Variants in PHACTR1 observed in about 807,000 individuals in gnomAD.
PHACTR1 encodes the protein phosphatase and actin regulator 1.
In PHACTR1, 16 loss-of-function variants were observed where a neutral mutation model predicts 69.2. The observed-to-expected ratio is 0.23, with a 90% CI of 0.16 to 0.35. The LOEUF is 0.35. Ranked by LOEUF, PHACTR1 falls within the 10% of genes least tolerant of loss-of-function variation. The pLI, the probability that PHACTR1 is intolerant of heterozygous loss-of-function variation, is 1.00. For synonymous variants in PHACTR1, 312 were observed against 284.5 expected (o/e 1.10, Z -0.97); for missense variants, 510 against 734.7 (o/e 0.69, Z 3.54).
intron 10 of PHACTR1, among the ~76,000 whole-genome samples, chr6:13,244,394 G>C (rs1039962224): frequency 6.6e-6 from 1 of 152,216 alleles, no homozygotes; most frequent in East Asian, 1.9e-4. Flanking sequence ...TCAGGAGACA[G>C]GGTTTTGAGA....
chr6:13,082,308 ATAT>A (rs748170090), intron 5 of PHACTR1, among the ~76,000 whole-genome samples: 1 of 152,192 alleles, frequency 6.6e-6, no homozygotes, highest in Non-Finnish European at 1.5e-5. Flanking sequence ...CTGGCCATAA[ATAT>A]TATTATATCT....
intron 4 of PHACTR1, among the ~76,000 whole-genome samples, chr6:12,866,958 C>T (rs1437459286): frequency 6.6e-6 from 1 of 152,072 alleles, no homozygotes; most frequent in Non-Finnish European, 1.5e-5. Flanking sequence ...TTTTTATCCT[C>T]CTCTCTCCCT....
intron 5 of PHACTR1, among the ~76,000 whole-genome samples, chr6:13,125,650 T>C (rs996190091): frequency 3.3e-5 from 5 of 152,218 alleles, no homozygotes; most frequent in Non-Finnish European, 7.3e-5. Context: ...ATTGTGTTTC[T>C]GGGCATGGCA....
At chr6:13,198,905 C>T (rs1489575847) in intron 7 of PHACTR1, among the ~76,000 whole-genome samples, 4 of 152,222 alleles carry the variant, frequency 2.6e-5, no homozygotes, top group Non-Finnish European at 5.9e-5. Context: ...TTTTGTGCCT[C>T]TTTGCCTGAT....
intron 5 of PHACTR1, among the ~76,000 whole-genome samples, chr6:13,057,815 C>T (rs1175321015): frequency 6.6e-6 from 1 of 152,188 alleles, no homozygotes. Context: ...TCGAATGCTA[C>T]TCTTACATCC....
At chr6:13,007,805 A>G (rs1798985509) in intron 4 of PHACTR1, among the ~76,000 whole-genome samples, 1 of 152,134 alleles carries the variant, frequency 6.6e-6, no homozygotes, top group South Asian at 2.1e-4. Flanking sequence ...TTCTCCTTCA[A>G]TCACCTCTTT....
At chr6:12,807,976 T>C (rs181234240) in intron 4 of PHACTR1, among the ~76,000 whole-genome samples, 105 of 152,356 alleles carry the variant, frequency 6.9e-4, no homozygotes, top group African/African-American at 2.5e-3. Flanking sequence ...TTGGTTATTT[T>C]AGGCAGATTT....
intron 4 of PHACTR1, among the ~76,000 whole-genome samples, chr6:12,830,069 G>GGA (rs1301752595): frequency 6.2e-5 from 8 of 129,260 alleles, no homozygotes; most frequent in Admixed American, 2.4e-4. Context: ...GGAAGGAAAA[G>GGA]AAAGAAGGAA....
chr6:12,777,785 C>T (rs538724009), intron 4 of PHACTR1, among the ~76,000 whole-genome samples: 156 of 152,158 alleles, frequency 1.0e-3, no homozygotes, highest in African/African-American at 3.5e-3. Context: ...GTGCCTGCCA[C>T]CGTGCCCGGC....
At chr6:13,263,108 G>A (rs1369937421) in intron 10 of PHACTR1, among the ~76,000 whole-genome samples, 1 of 152,148 alleles carries the variant, frequency 6.6e-6, no homozygotes, top group East Asian at 1.9e-4. Context: ...CTTCTCTAGG[G>A]AGATGCTGTA....
At chr6:13,266,421 A>G (rs1476993245) in intron 10 of PHACTR1, 4 of 152,252 alleles carry the variant, frequency 2.6e-5, no homozygotes, top group African/African-American at 9.7e-5. Flanking sequence ...CTCACACCCT[A>G]AAACTTAAAC....
intron 4 of PHACTR1, among the ~76,000 whole-genome samples, chr6:13,025,709 G>GTGTGTGTGTGTC (rs1001399090): frequency 2.6e-5 from 4 of 151,098 alleles, no homozygotes; most frequent in African/African-American, 9.7e-5. Flanking sequence ...GTGTGTGTGT[G>GTGTGTGTGTGTC]TCTGTGTGTA....
intron 4 of PHACTR1, among the ~76,000 whole-genome samples, chr6:12,912,282 G>A (rs1786499171): frequency 6.6e-6 from 1 of 152,194 alleles, no homozygotes; most frequent in African/African-American, 2.4e-5. Flanking sequence ...TTACAGGCAT[G>A]AGCCACCGTG....
chr6:12,792,388 C>T (rs761349763), intron 4 of PHACTR1, among the ~76,000 whole-genome samples: 9 of 132,818 alleles, frequency 6.8e-5, no homozygotes, highest in South Asian at 2.6e-4. Flanking sequence ...CACTTGAACC[C>T]GGGAGGCGGA....
intron 4 of PHACTR1, among the ~76,000 whole-genome samples, chr6:12,846,347 AGATACTTTTCTTG>A (rs1378865346): frequency 6.6e-6 from 1 of 152,236 alleles, no homozygotes; most frequent in Non-Finnish European, 1.5e-5. Flanking sequence ...AACACATGTC[AGATACTTTTCTTG>A]AGACAATACT....
rs551493363 is a variant in PHACTR1 at position 13,068,414 on chromosome 6, C to G, written c.415+14885C>G. 3.3e-5 allele frequency among the ~76,000 whole-genome samples: 5 copies of G among 152,272 alleles called. No homozygotes were observed. The East Asian group carries it at 7.7e-4, about 23-fold the overall frequency. On this transcript the variant is annotated intron_variant, in intron 5 of 14. Transcript: ENST00000332995. ...GAAGCTCTTAGAATAGTACTTTGCG[C>G]TAAGTTTTATCTATGATTATTTTTT...
intron 10 of PHACTR1, among the ~76,000 whole-genome samples, chr6:13,240,979 G>T (rs901533546): frequency 2.0e-5 from 3 of 152,126 alleles, no homozygotes; most frequent in African/African-American, 7.2e-5. Context: ...GATGATAAAG[G>T]GCAAAGAGAA....
intron 13 of PHACTR1, 144 bp from the exon 14 acceptor site, chr6:13,286,002 T>G: frequency 3.0e-6 from 2 of 672,572 alleles, no homozygotes; most frequent in East Asian, 3.0e-5. Flanking sequence ...CTCAGGTGAT[T>G]TTTCTTCCTC....
chr6:13,137,037 C>T (rs923569713), intron 5 of PHACTR1, among the ~76,000 whole-genome samples: 1 of 152,130 alleles, frequency 6.6e-6, no homozygotes, highest in Non-Finnish European at 1.5e-5. Flanking sequence ...CAAATGGTGC[C>T]GATAGACTTG....
Sources: allele counts gnomAD v4.1 joint callset (sites outside exome capture counted in the v4.1 genomes callset), GRCh38; gene constraint gnomAD v4.1.1; transcripts MANE v1.5; gene names NCBI Gene and HGNC (gene_info 2026-07-23, HGNC 2026-07-21).